Variants in ASB2 observed in about 807,000 individuals in gnomAD.
ASB2 encodes ankyrin repeat and SOCS box containing 2.
A neutral mutation model predicts 62.4 loss-of-function variants in ASB2; 58 were observed. The observed-to-expected ratio is 0.93, with a 90% confidence interval of 0.75 to 1.16. ASB2 has a LOEUF of 1.16. Among genes scored for constraint, ASB2 ranks in the 50% most tolerant of loss-of-function variants. ASB2 has a pLI of 0.00. For synonymous variants in ASB2, 386 were observed against 385.3 expected (o/e 1.00, Z -0.02); for missense variants, 928 against 887.9 (o/e 1.05, Z -0.57).
At chr14:93,966,782 C>T (rs182491792) in intron 1 of ASB2, among the ~76,000 whole-genome samples, 7 of 152,232 alleles carry the variant, frequency 4.6e-5, no homozygotes, top group Non-Finnish European at 7.4e-5. Flanking sequence ...CCTGGTTCAG[C>T]CCTGAATCAA....
At chr14:93,975,607 C>G (rs4905123) in intron 1 of ASB2, among the ~76,000 whole-genome samples, 7,537 of 152,270 alleles carry the variant, frequency 0.049, 225 homozygotes, top group Non-Finnish European at 0.077. Flanking sequence ...TCTTGCTTGG[C>G]CTGGAAGGAT....
At chr14:93,944,120 C>A in intron 7 of ASB2, 2 of 406,974 alleles carry the variant, frequency 4.9e-6, no homozygotes, top group East Asian at 7.2e-5. Flanking sequence ...CAGCCACGGC[C>A]CAGACCAGCG....
chr14:93,934,662 G>C lies in ASB2; in HGVS notation c.1902C>G (p.Thr634=). 6.2e-7 allele frequency: 1 copy of C among 1,614,106 alleles called. No individual in the cohort carries two copies. Among genetic ancestry groups the C allele is most frequent in the Non-Finnish European group, 8.5e-7 (1 of 1,179,994 alleles). Reference sequence around the variant, plus strand: ...TCTCTCCCCGTGGCCCCAGTTACTGGGTGTTCTCGTATTTCAGGTATCTAA... The same window carrying C: ...TCTCTCCCCGTGGCCCCAGTTACTGCGTGTTCTCGTATTTCAGGTATCTAA... ...RLIRYLKYEN[T]Q The change falls in exon 10 of 10, where the codon ACC becomes ACG. Residue 634 remains threonine (T), a synonymous_variant. Coordinates refer to ENST00000555019, the MANE Select transcript of ASB2 (RefSeq NM_001202429.2).
At position 93,956,828 on chromosome 14, in the gene ASB2, C is replaced by G; in HGVS notation, c.249G>C (p.Met83Ile). ...PPESSPARAP[M>I]GLFQGVMQKY... The stretch of plus-strand genomic sequence containing the variant: ...TCTGCATGACCCCTTGGAACAAGCC[C>G]ATTGGGGCCCGGGCCGGCGAACTCT... The change falls in exon 3 of 10, where the codon ATG becomes ATC. Residue 83 changes from methionine to isoleucine, a missense_variant. Physicochemically the swap from Met to Ile is conservative, Grantham distance 10. Transcript: ENST00000555019. The G allele has an allele frequency of 6.2e-7, 1 of 1,614,198 alleles. No individual in the cohort carries two copies. The highest frequency in any genetic ancestry group is 8.5e-7 in the Non-Finnish European group (1 of 1,180,038).
chr14:93,937,924 C>G, intron 8 of ASB2, 73 bp from the exon 9 acceptor site: 1 of 1,455,968 alleles, frequency 6.9e-7, no homozygotes, highest in Non-Finnish European at 9.3e-7. Flanking sequence ...GGGACGGCAG[C>G]GGATGTGTCC....
At chr14:93,973,133 G>A (rs1166469327) in intron 1 of ASB2, among the ~76,000 whole-genome samples, 2 of 152,152 alleles carry the variant, frequency 1.3e-5, no homozygotes. Flanking sequence ...TATGGAGTAG[G>A]GGTGTGACTG....
intron 1 of ASB2, among the ~76,000 whole-genome samples, chr14:93,974,931 C>T (rs1266841430): frequency 6.6e-6 from 1 of 152,242 alleles, no homozygotes; most frequent in Non-Finnish European, 1.5e-5. Flanking sequence ...CCACAAGGCA[C>T]TCATGACCCG....
rs1595309131 is a variant in ASB2, at chr14:93,947,349, C to A, written c.1052G>T (p.Arg351Met). Reference protein sequence around the residue: ...LHIASKKGNYRIVQMLLPVTS... With the variant: ...LHIASKKGNYMIVQMLLPVTS... ...GGGTGCTGGCGGAGCCTGGGCTGACCTGTAGTTGCCCTTCTTGGAGGCGAT... is the reference window on the plus strand; with the variant it reads ...GGGTGCTGGCGGAGCCTGGGCTGACATGTAGTTGCCCTTCTTGGAGGCGAT... The change falls in exon 7 of 10, where the codon AGG becomes ATG. Residue 351 changes from arginine to methionine, a missense_variant and splice_region_variant. Transcript: ENST00000555019. 4 of 1,614,046 alleles carry A rather than the reference C, an allele frequency of 2.5e-6. No homozygotes were observed. Among genetic ancestry groups the A allele is most frequent in the Non-Finnish European group, 3.4e-6 (4 of 1,180,020 alleles).
At chr14:93,957,778 C>T (rs911646707) in intron 2 of ASB2, among the ~76,000 whole-genome samples, 12 of 152,120 alleles carry the variant, frequency 7.9e-5, no homozygotes, top group Non-Finnish European at 1.3e-4. Context: ...GTGGGATGGC[C>T]GCTCCACAAA....
intron 6 of ASB2, among the ~76,000 whole-genome samples, chr14:93,949,891 G>C (rs1888887732): frequency 6.6e-6 from 1 of 152,140 alleles, no homozygotes. Context: ...CTGCACGGAA[G>C]GGCCTGCACC....
At chr14:93,938,234 T>A (rs1021357341) in intron 8 of ASB2, among the ~76,000 whole-genome samples, 5 of 18,036 alleles carry the variant, frequency 2.8e-4, no homozygotes, top group Non-Finnish European at 6.0e-4. Flanking sequence ...AAGTTCTGAC[T>A]TTTTTTTTTT....
intron 6 of ASB2, 31 bp from the exon 7 acceptor site, chr14:93,947,551 C>T: frequency 6.2e-7 from 1 of 1,609,150 alleles, no homozygotes; most frequent in Non-Finnish European, 8.5e-7. Context: ...AGCAAGTGGC[C>T]AAGTGACCGG....
intron 2 of ASB2, among the ~76,000 whole-genome samples, chr14:93,959,990 G>T (rs544644387): frequency 8.8e-6 from 1 of 113,520 alleles, no homozygotes; most frequent in Non-Finnish European, 1.8e-5. Context: ...TCTACCCCAC[G>T]CCCACCCCAT....
intron 8 of ASB2, among the ~76,000 whole-genome samples, chr14:93,938,417 T>G (rs1417660004): frequency 1.3e-5 from 2 of 152,030 alleles, no homozygotes; most frequent in Non-Finnish European, 2.9e-5. Flanking sequence ...TTTTTTTGTA[T>G]TTTTAGTTAA....
chr14:93,941,904 C>G (rs1202882449), intron 7 of ASB2, among the ~76,000 whole-genome samples: 3 of 152,258 alleles, frequency 2.0e-5, no homozygotes, highest in Admixed American at 6.5e-5. Flanking sequence ...CTCTGGAGAT[C>G]AGTGCGTCCA....
intron 2 of ASB2, among the ~76,000 whole-genome samples, chr14:93,958,768 C>T (rs946013209): frequency 6.6e-6 from 1 of 152,212 alleles, no homozygotes; most frequent in East Asian, 1.9e-4. Flanking sequence ...CCAGCCCTGT[C>T]GTCTTGATGA....
intron 1 of ASB2, among the ~76,000 whole-genome samples, chr14:93,972,350 C>T (rs768436455): frequency 1.3e-5 from 2 of 152,032 alleles, no homozygotes; most frequent in Non-Finnish European, 1.5e-5. Context: ...CTGGAGTGCT[C>T]GGAGGTGTAG....
intron 3 of ASB2, among the ~76,000 whole-genome samples, chr14:93,954,788 A>G (rs960265126): frequency 6.6e-6 from 1 of 152,060 alleles, no homozygotes; most frequent in Non-Finnish European, 1.5e-5. Context: ...TGATAATTAA[A>G]TGCTTTCCCT....
intron 7 of ASB2, among the ~76,000 whole-genome samples, chr14:93,942,756 C>A (rs1196660968): frequency 6.6e-6 from 1 of 152,188 alleles, no homozygotes; most frequent in Non-Finnish European, 1.5e-5. Context: ...GGTTACACAC[C>A]AGCTCTACCC....
Sources: gnomAD v4.1 joint callset for allele counts (sites outside exome capture counted in the v4.1 genomes callset) on GRCh38, gnomAD v4.1.1 for gene constraint, MANE v1.5 for transcripts, NCBI Gene and HGNC (gene_info 2026-07-23, HGNC 2026-07-21) for gene names.